The following GDF3 variants were observed in gnomAD, a reference collection of about 807,000 sequenced individuals.
GDF3 encodes growth differentiation factor 3.
In GDF3, 10 loss-of-function variants were observed where a neutral mutation model predicts 10.2. The ratio of observed to expected loss-of-function variants is 0.98; its 90% CI spans 0.60 to 1.66. The LOEUF (loss-of-function observed/expected upper bound fraction) is 1.66, where lower values mean the gene tolerates loss of function less well. GDF3 is among the 40% of genes most tolerant of loss of function. GDF3 has a pLI of 0.00. For synonymous variants in GDF3, 166 were observed against 178.5 expected (o/e 0.93, Z 0.56); for missense variants, 450 against 438.3 (o/e 1.03, Z -0.24).
rs192293194 is a variant in GDF3, at chr12:7,690,917, C to T, written c.269-213G>A. 1.2e-3 allele frequency among the ~76,000 whole-genome samples: 175 copies of T among 151,442 alleles called. No individual in the cohort carries two copies. The South Asian group carries it at 0.013, about 11-fold the overall frequency. On this transcript the variant is annotated intron_variant, in intron 1 of 1. Coordinates refer to ENST00000329913, the MANE Select transcript of GDF3 (RefSeq NM_020634.3). Reference sequence around the variant, plus strand: ...CTGTAATCCCAGCACTTTGGGAGGCCGAGGCGGGCGGATCACGAGGTCAGG... The same window carrying T: ...CTGTAATCCCAGCACTTTGGGAGGCTGAGGCGGGCGGATCACGAGGTCAGG...
chr12:7,690,403 C>G lies in GDF3; in HGVS notation c.570G>C (p.Trp190Cys). ...HFNLLDVAKD[W>C]NDNPRKNFGL... ...CGAAATTTTTCCGGGGGTTGTCATT[C>G]CAATCCTTAGCTACATCCAGCAGGT... Residue 190 changes from tryptophan (W) to cysteine (C), a missense_variant, in exon 2 of 2, where the codon TGG (tryptophan) becomes TGC (cysteine). By Grantham distance (215) the Trp-to-Cys change is radical (BLOSUM62 -2). Coordinates refer to ENST00000329913, the MANE Select transcript of GDF3 (RefSeq NM_020634.3). 1 of 1,614,118 alleles carries G rather than the reference C, an allele frequency of 6.2e-7. No homozygotes were observed.
chr12:7,691,538 C>G (rs941309433), intron 1 of GDF3, among the ~76,000 whole-genome samples: 6 of 149,218 alleles, frequency 4.0e-5, no homozygotes, highest in Non-Finnish European at 8.9e-5. Context: ...GAAACCCCAT[C>G]TCTACAAAAT....
chr12:7,690,632 G>T lies in GDF3; in HGVS notation c.341C>A (p.Ser114Tyr). 1.2e-6 allele frequency: 2 copies of T among 1,609,630 alleles called. No individual in the cohort carries two copies. Among genetic ancestry groups the T allele is most frequent in the Non-Finnish European group, 1.7e-6 (2 of 1,178,724 alleles). ...CAACTGTTCCCTTTCTTTGATGGCAGACAGGTTAAAGTAGAGGAGCTTCTG... is the reference window on the plus strand; with the variant it reads ...CAACTGTTCCCTTTCTTTGATGGCATACAGGTTAAAGTAGAGGAGCTTCTG... Reference protein sequence around the residue: ...CLQKLLYFNLSAIKEREQLTL... With the variant: ...CLQKLLYFNLYAIKEREQLTL... The change falls in exon 2 of 2, where the codon TCT (serine) becomes TAT (tyrosine). Residue 114 changes from serine to tyrosine, a missense_variant. Transcript: ENST00000329913.
chr12:7,694,380 T>A (rs1178885713), intron 1 of GDF3, among the ~76,000 whole-genome samples: 1 of 151,690 alleles, frequency 6.6e-6, no homozygotes, highest in Non-Finnish European at 1.5e-5. Flanking sequence ...CTGGCCAACA[T>A]ATAGTGAAAC....
rs1283064060 is a variant in GDF3, at chr12:7,695,744, T to C, written c.-16A>G. 6.2e-7 allele frequency: 1 copy of C among 1,613,888 alleles called. No homozygotes were observed. Among genetic ancestry groups the C allele is most frequent in the East Asian group, 2.2e-5 (1 of 44,880 alleles). On this transcript the variant is annotated 5_prime_UTR_variant, in exon 1 of 2. Coordinates refer to ENST00000329913, the MANE Select transcript of GDF3 (RefSeq NM_020634.3). ...AACGAAGCATGGCCTCTGGAGTGGC[T>C]GTCAGACCGGGGAGAGCTCCACTGC...
In GDF3 at chr12:7,690,152, C is replaced by T. The variant is rs1312136124; in HGVS notation, c.821G>A (p.Arg274Gln). The T allele has an allele frequency of 9.3e-6, 15 of 1,614,076 alleles. No individual in the cohort carries two copies. The highest frequency in any genetic ancestry group is 1.3e-5 in the African/African-American group (1 of 75,012). The change falls in exon 2 of 2, where the codon CGG becomes CAG. Residue 274 changes from arginine to glutamine, a missense_variant. Arg to Gln is a conservative substitution (Grantham distance 43, BLOSUM62 1). Coordinates refer to ENST00000329913, the MANE Select transcript of GDF3 (RefSeq NM_020634.3). Reference protein sequence around the residue: ...CHRHQLFINFRDLGWHKWIIA... With the variant: ...CHRHQLFINFQDLGWHKWIIA... ...GATCCACTTGTGCCAACCCAGGTCC[C>T]GGAAGTTAATGAATAGCTGGTGACG...
At position 7,690,675 on chromosome 12, in the gene GDF3, G is replaced by C. The variant is rs1203138467; in HGVS notation, c.298C>G (p.Gln100Glu). The part of the protein sequence containing the change: ...GFFLYPKKIS[Q>E]ASSCLQKLLY... ...AGCTTCTGCAGGCAGGAGGAAGCTT[G>C]GGAAATTTTCTTTGGGTAAAGAAAG... is the stretch of plus-strand genomic sequence containing the variant. The change falls in exon 2 of 2, where the codon CAA becomes GAA. Residue 100 changes from glutamine (Q) to glutamate (E), a missense_variant. Transcript: ENST00000329913. The C allele has an allele frequency of 6.2e-7, 1 of 1,612,452 alleles. No homozygotes were observed. Among genetic ancestry groups the C allele is most frequent in the African/African-American group, 1.3e-5 (1 of 74,852 alleles).
intron 1 of GDF3, among the ~76,000 whole-genome samples, chr12:7,692,564 C>G (rs1006301538): frequency 1.7e-4 from 25 of 148,692 alleles, no homozygotes; most frequent in African/African-American, 5.9e-4. Context: ...GGCTGGAGTG[C>G]ACTGGCTTGA....
chr12:7,690,218 G>A lies in GDF3; in HGVS notation c.755C>T (p.Ala252Val). Residue 252 changes from alanine to valine, a missense_variant, in exon 2 of 2, where the codon GCC becomes GTC. Physicochemically the swap from Ala to Val is moderately conservative, Grantham distance 64. Coordinates refer to ENST00000329913, the MANE Select transcript of GDF3 (RefSeq NM_020634.3). ...ACAAGAAAGCTTGGGGACAGGGATG[G>A]CTGCTCTCCTTTTCCGAGAAGGGTG... ...QCHPSRKRRA[A>V]IPVPKLSCKN... The A allele has an allele frequency of 2.5e-6, 4 of 1,614,112 alleles. No individual in the cohort carries two copies. Among genetic ancestry groups the A allele is most frequent in the African/African-American group, 1.3e-5 (1 of 75,034 alleles).
At chr12:7,694,312 C>T (rs903259763) in intron 1 of GDF3, among the ~76,000 whole-genome samples, 4 of 152,082 alleles carry the variant, frequency 2.6e-5, no homozygotes, top group African/African-American at 7.2e-5. Flanking sequence ...CCTGTAATCC[C>T]AGCAGTTTGG....
Position 7,695,634 on chromosome 12 carries a change from A to C in GDF3, c.95T>G (p.Phe32Cys), listed in dbSNP as rs767006467. The C allele has an allele frequency of 1.9e-6, 3 of 1,614,118 alleles. No individual in the cohort carries two copies. The highest frequency in any genetic ancestry group is 2.5e-6 in the Non-Finnish European group (3 of 1,179,988). Reference sequence around the variant, plus strand: ...TGAAGGCGCCTTATCTAAGCCCAGAAATTGGAGAAAGACATATTCTTGAAA... The same window carrying C: ...TGAAGGCGCCTTATCTAAGCCCAGACATTGGAGAAAGACATATTCTTGAAA... Reference protein sequence around the residue: ...VQFQEYVFLQFLGLDKAPSPQ... With the variant: ...VQFQEYVFLQCLGLDKAPSPQ... The change falls in exon 1 of 2, where the codon TTT becomes TGT. Residue 32 changes from phenylalanine (F) to cysteine (C), a missense_variant. Phe to Cys is a radical substitution (Grantham distance 205). Transcript: ENST00000329913.
In GDF3 at chr12:7,689,839, T is replaced by C. The variant is rs372341342; in HGVS notation, c.*39A>G. On this transcript the variant is annotated 3_prime_UTR_variant, in exon 2 of 2. Transcript: ENST00000329913. ...AGATAGGTAGTTTTATTAAAAGATT[T>C]ACCCTAAGAACACTCCTTCTATTCC... is the stretch of plus-strand genomic sequence containing the variant. 2.3e-6 allele frequency: 3 copies of C among 1,307,016 alleles called. No individual in the cohort carries two copies. Among genetic ancestry groups the C allele is most frequent in the African/African-American group, 1.4e-5 (1 of 69,042 alleles). The allele number at this position is 1,307,016 out of a possible 1,614,324, so 81.0% of individuals were successfully genotyped here. A position where few individuals can be genotyped will look rare whatever the true frequency, so the allele number is the denominator to read the frequency against.
chr12:7,692,411 C>T (rs1029983552), intron 1 of GDF3, among the ~76,000 whole-genome samples: 2 of 140,164 alleles, frequency 1.4e-5, no homozygotes, highest in African/African-American at 5.3e-5. Context: ...GCCTGGGCAA[C>T]AAGAGCAAAA....
At position 7,690,150 on chromosome 12, in the gene GDF3, C is replaced by G. The variant is rs1470277131; in HGVS notation, c.823G>C (p.Asp275His). 8.7e-6 allele frequency: 14 copies of G among 1,614,028 alleles called. No individual in the cohort carries two copies. The highest frequency in any genetic ancestry group is 1.1e-5 in the Non-Finnish European group (13 of 1,180,022). Residue 275 changes from aspartate (D) to histidine (H), a missense_variant, in exon 2 of 2, where the codon GAC (aspartate) becomes CAC (histidine). Transcript: ENST00000329913. ...HRHQLFINFR[D>H]LGWHKWIIAP... ...ATGATCCACTTGTGCCAACCCAGGTCCCGGAAGTTAATGAATAGCTGGTGA... is the reference window on the plus strand; with the variant it reads ...ATGATCCACTTGTGCCAACCCAGGTGCCGGAAGTTAATGAATAGCTGGTGA...
At chr12:7,693,260 T>C (rs1406354011) in intron 1 of GDF3, among the ~76,000 whole-genome samples, 1 of 151,972 alleles carries the variant, frequency 6.6e-6, no homozygotes, top group African/African-American at 2.4e-5. Flanking sequence ...TGGAGTGCAG[T>C]GGTGCGATCT....
intron 1 of GDF3, 59 bp from the exon 2 acceptor site, chr12:7,690,763 A>G (rs1418198717): frequency 2.1e-6 from 2 of 962,218 alleles, no homozygotes; most frequent in Middle Eastern, 2.1e-4. Flanking sequence ...ATATCCACCT[A>G]TATAATAGAA....
intron 1 of GDF3, among the ~76,000 whole-genome samples, chr12:7,693,307 C>T (rs950979566): frequency 6.6e-6 from 1 of 150,924 alleles, no homozygotes; most frequent in East Asian, 2.0e-4. Flanking sequence ...GGTGTTCAAT[C>T]GATTTTCCTG....
Position 7,690,086 on chromosome 12 carries a change from T to G in GDF3, c.887A>C (p.Glu296Ala). 2 of 1,613,982 alleles carry G rather than the reference T, an allele frequency of 1.2e-6. No homozygotes were observed. The highest frequency in any genetic ancestry group is 1.7e-6 in the Non-Finnish European group (2 of 1,179,942). The change falls in exon 2 of 2, where the codon GAG becomes GCG. Residue 296 changes from glutamate to alanine, a missense_variant. Glu to Ala is a moderately radical substitution (Grantham distance 107, BLOSUM62 -1). Coordinates refer to ENST00000329913, the MANE Select transcript of GDF3 (RefSeq NM_020634.3). ...AGAGATGGTCAGTGAGAAGGGACAC[T>G]CTCCATGGCAGTAATTTGCCATGAA... The part of the protein sequence containing the change: ...KGFMANYCHG[E>A]CPFSLTISLN...
chr12:7,694,755 T>C (rs1864165004), intron 1 of GDF3, among the ~76,000 whole-genome samples: 1 of 152,072 alleles, frequency 6.6e-6, no homozygotes, highest in Non-Finnish European at 1.5e-5. Context: ...GGAGGTTGTA[T>C]AGACATGCAG....
Sources: gnomAD v4.1 joint callset for allele counts (sites outside exome capture counted in the v4.1 genomes callset) on GRCh38, gnomAD v4.1.1 for gene constraint, MANE v1.5 for transcripts, NCBI Gene and HGNC (gene_info 2026-07-23, HGNC 2026-07-21) for gene names.